MYO9A: variants seen among roughly 807,000 people sequenced by gnomAD.
MYO9A encodes the protein unconventional myosin-IXa.
In MYO9A, 103 loss-of-function variants were observed where a neutral mutation model predicts 293.3. The ratio of observed to expected loss-of-function variants is 0.35; its 90% CI spans 0.30 to 0.41. The LOEUF is 0.41. Ranked by LOEUF, MYO9A falls within the 10% of genes least tolerant of loss-of-function variation. MYO9A has a pLI of 1.00. For missense variants in MYO9A, 2,685 were observed against 3,033.0 expected (o/e 0.89, Z 2.69); for synonymous variants, 1,001 against 1,035.7 (o/e 0.97, Z 0.64).
intron 19 of MYO9A, among the ~76,000 whole-genome samples, chr15:71,908,415 G>A (rs1343489414): frequency 1.3e-5 from 2 of 152,036 alleles, no homozygotes; most frequent in South Asian, 2.1e-4. Flanking sequence ...TGCCTGCCTC[G>A]GCCTCCCAAA....
intron 1 of MYO9A, among the ~76,000 whole-genome samples, chr15:72,083,513 G>A (rs956520575): frequency 6.6e-6 from 1 of 152,166 alleles, no homozygotes; most frequent in African/African-American, 2.4e-5. Context: ...CTGCCATTCA[G>A]CTTTGATTTT....
chr15:72,069,856 G>T (rs925703031), intron 1 of MYO9A, among the ~76,000 whole-genome samples: 1 of 151,944 alleles, frequency 6.6e-6, no homozygotes, highest in African/African-American at 2.4e-5. Flanking sequence ...GGTGGCTCAC[G>T]CCTGTAATCC....
rs765264146 is a variant in MYO9A, at chr15:71,906,758, C to CTTTCTTTCTTTTTTTTTTTTTTTTTTTT, written c.2686-1753_2686-1752insAAAAAAAAAAAAAAAAAAAAGAAAGAAA. On this transcript the variant is annotated intron_variant, in intron 19 of 41. Transcript: ENST00000356056. The stretch of plus-strand genomic sequence containing the variant: ...CCAATCAGATAATATCCATTTCTTT[C>CTTTCTTTCTTTTTTTTTTTTTTTTTTTT]TTTTTTTTTTTTTTTTTTTTCCTGA... Among the ~76,000 whole-genome samples, 15 of 61,032 alleles carry CTTTCTTTCTTTTTTTTTTTTTTTTTTTT rather than the reference C, an allele frequency of 2.5e-4. 1 individual carries two copies. The highest frequency in any genetic ancestry group is 8.9e-4 in the African/African-American group (14 of 15,724). 40.0% of individuals were successfully genotyped at this position (61,032 alleles called of 152,430 possible).
chr15:72,045,593 G>T, intron 2 of MYO9A, 131 bp downstream of exon 2: 1 of 1,061,310 alleles, frequency 9.4e-7, no homozygotes, highest in Non-Finnish European at 1.3e-6. Flanking sequence ...GCTGGGAGAT[G>T]GAACAGTATC....
At chr15:71,846,362 G>A (rs1447366427) in intron 39 of MYO9A, among the ~76,000 whole-genome samples, 4 of 152,020 alleles carry the variant, frequency 2.6e-5, no homozygotes, top group East Asian at 1.9e-4. Context: ...GGGGAGAAAG[G>A]GTCAAGAAAG....
chr15:72,031,078 C>T (rs777109170), intron 3 of MYO9A, among the ~76,000 whole-genome samples: 3 of 152,188 alleles, frequency 2.0e-5, no homozygotes, highest in African/African-American at 7.2e-5. Context: ...AGGCTGCACA[C>T]TCCTTATGAG....
chr15:71,997,497 G>A (rs1320253806), intron 9 of MYO9A, among the ~76,000 whole-genome samples: 3 of 152,038 alleles, frequency 2.0e-5, no homozygotes, highest in Non-Finnish European at 4.4e-5. Flanking sequence ...CTACTCGGGA[G>A]GCTGAAGCAG....
intron 19 of MYO9A, among the ~76,000 whole-genome samples, chr15:71,906,855 C>T (rs1249414225): frequency 6.7e-6 from 1 of 148,374 alleles, no homozygotes; most frequent in East Asian, 2.0e-4. Context: ...GCTCTGCCTC[C>T]CGGGTTCACG....
intron 9 of MYO9A, among the ~76,000 whole-genome samples, chr15:71,997,834 A>C (rs1050723307): frequency 2.6e-5 from 4 of 152,130 alleles, no homozygotes; most frequent in Non-Finnish European, 5.9e-5. Context: ...GATGCTGGTG[A>C]GGTTGTGGAT....
rs9120 is a variant in MYO9A at position 71,823,422 on chromosome 15, G to A, written c.*3158C>T. ...TGGCAGGTTTCCAAAGCATGAGAAG[G>A]TGGGGGCTCTAGTATTCCATCCCAG... is the stretch of plus-strand genomic sequence containing the variant. On this transcript the variant is annotated 3_prime_UTR_variant, in exon 42 of 42. Coordinates refer to ENST00000356056, the MANE Select transcript of MYO9A (RefSeq NM_006901.4). 29,305 of 152,212 alleles carry A rather than the reference G, an allele frequency of 0.19. 3,042 individuals carry two copies. Among genetic ancestry groups the A allele is most frequent in the East Asian group, 0.38 (1,962 of 5,160 alleles). 9.4% of individuals were successfully genotyped at this position (152,212 alleles called of 1,614,324 possible).
intron 6 of MYO9A, among the ~76,000 whole-genome samples, chr15:72,015,319 C>A (rs1307575035): frequency 6.6e-6 from 1 of 152,080 alleles, no homozygotes; most frequent in Non-Finnish European, 1.5e-5. Context: ...CTTTATACTG[C>A]AAAAATACTT....
At chr15:72,098,694 G>A (rs546090632) in intron 1 of MYO9A, among the ~76,000 whole-genome samples, 1 of 152,220 alleles carries the variant, frequency 6.6e-6, no homozygotes, top group South Asian at 2.1e-4. Flanking sequence ...GTGATCAGGT[G>A]TGTGTGGTGC....
At chr15:71,922,921 T>C (rs1397577103) in intron 18 of MYO9A, among the ~76,000 whole-genome samples, 1 of 152,200 alleles carries the variant, frequency 6.6e-6, no homozygotes, top group Non-Finnish European at 1.5e-5. Flanking sequence ...CAGTACTATG[T>C]TGAATAGAGA....
intron 24 of MYO9A, 97 bp downstream of exon 24, chr15:71,899,586 ACAAC>A: frequency 9.5e-7 from 1 of 1,051,512 alleles, no homozygotes; most frequent in Non-Finnish European, 1.4e-6. Flanking sequence ...CAAATTGTAT[ACAAC>A]CAATTCTAAT....
intron 39 of MYO9A, among the ~76,000 whole-genome samples, chr15:71,830,747 T>C (rs1011988625): frequency 3.3e-5 from 5 of 152,224 alleles, no homozygotes; most frequent in Admixed American, 3.3e-4. Context: ...AGATCTACAT[T>C]TCCTACCATC....
intron 19 of MYO9A, among the ~76,000 whole-genome samples, chr15:71,913,955 T>C (rs2057934556): frequency 6.6e-6 from 1 of 152,158 alleles, no homozygotes; most frequent in Non-Finnish European, 1.5e-5. Context: ...CAGAAATTGT[T>C]AGGTCTACAG....
In MYO9A at chr15:71,827,978, A is replaced by G. The variant is rs148319584; in HGVS notation, c.7089T>C (p.Asp2363=). ...AGGCCTCAGACTCAAGGGTTTCATC[A>G]TCAGAGGCACGGGGTTCCAGTACAA... ...EMLVLEPRAS[D]DETLESEASI... The change falls in exon 41 of 42, where the codon GAT becomes GAC. Residue 2363 remains aspartate, a synonymous_variant. Coordinates refer to ENST00000356056, the MANE Select transcript of MYO9A (RefSeq NM_006901.4). 7.4e-5 allele frequency: 120 copies of G among 1,613,774 alleles called. No homozygotes were observed. Among genetic ancestry groups the G allele is most frequent in the Non-Finnish European group, 9.6e-5 (113 of 1,179,832 alleles).
chr15:71,844,419 G>A (rs891943170), intron 39 of MYO9A, among the ~76,000 whole-genome samples: 1 of 152,072 alleles, frequency 6.6e-6, no homozygotes, highest in African/African-American at 2.4e-5. Context: ...TATTTAATTT[G>A]GGTGAGAATT....
chr15:72,057,582 T>C (rs961712056), intron 1 of MYO9A, among the ~76,000 whole-genome samples: 2 of 152,216 alleles, frequency 1.3e-5, no homozygotes, highest in African/African-American at 2.4e-5. Context: ...AATCAATTTA[T>C]TTCATTACTC....
Sources: gnomAD v4.1 joint callset for allele counts (sites outside exome capture counted in the v4.1 genomes callset) on GRCh38, gnomAD v4.1.1 for gene constraint, MANE v1.5 for transcripts, NCBI Gene and HGNC (gene_info 2026-07-23, HGNC 2026-07-21) for gene names.